The following CFHR5 variants were observed in gnomAD, a reference collection of about 807,000 sequenced individuals.
The protein encoded by CFHR5 is complement factor H related 5, also known as complement factor H-related protein 5.
Under a neutral mutation model 62.9 loss-of-function variants are expected in CFHR5, and 73 were observed. The observed-to-expected ratio is 1.16, with a 90% CI of 0.96 to 1.41. The LOEUF (loss-of-function observed/expected upper bound fraction) is 1.41. Among genes scored for constraint, CFHR5 ranks in the 40% most tolerant of loss-of-function variants. The pLI, the probability that CFHR5 is intolerant of heterozygous loss-of-function variation, is 0.00. For missense variants in CFHR5, 779 were observed against 679.9 expected (o/e 1.15, Z -1.62); for synonymous variants, 249 against 227.2 (o/e 1.10, Z -0.86).
chr1:196,995,755 A>G lies in CFHR5; in HGVS notation c.646A>G (p.Asn216Asp). 1.9e-6 allele frequency: 3 copies of G among 1,613,190 alleles called. No individual in the cohort carries two copies. Among genetic ancestry groups the G allele is most frequent in the Non-Finnish European group, 2.5e-6 (3 of 1,179,224 alleles). Residue 216 changes from asparagine (N) to aspartate (D), a missense_variant, in exon 5 of 10, where the codon AAT becomes GAT. Asn to Asp is a conservative substitution (Grantham distance 23). Coordinates refer to ENST00000256785, the MANE Select transcript of CFHR5 (RefSeq NM_030787.4). ...RSCGPPPQLS[N>D]GEVKEIRKEE... Reference sequence around the variant, plus strand: ...ATGTGGTCCACCTCCTCAACTCTCCAATGGTGAAGTTAAGGAGATAAGAAA... The same window carrying G: ...ATGTGGTCCACCTCCTCAACTCTCCGATGGTGAAGTTAAGGAGATAAGAAA...
chr1:196,999,270 G>A (rs1029553257), intron 7 of CFHR5, among the ~76,000 whole-genome samples: 3 of 151,742 alleles, frequency 2.0e-5, no homozygotes, highest in Non-Finnish European at 2.9e-5. Context: ...ACATTTTTAT[G>A]TTTATAAAAT....
chr1:196,991,453 T>G (rs534013788), intron 3 of CFHR5, among the ~76,000 whole-genome samples: 351 of 152,274 alleles, frequency 2.3e-3, no homozygotes, highest in Middle Eastern at 6.8e-3. Context: ...ACACTCTGGT[T>G]TTTAGAATTT....
chr1:197,001,997 C>A (rs74699563), intron 7 of CFHR5, among the ~76,000 whole-genome samples: 5 of 152,176 alleles, frequency 3.3e-5, no homozygotes, highest in Admixed American at 6.5e-5. Context: ...TGTTCATTAC[C>A]AGCCATTCTC....
Position 196,984,031 on chromosome 1 carries a change from T to C in CFHR5, c.324T>C (p.Asp108=), listed in dbSNP as rs1558282726. 6.2e-7 allele frequency: 1 copy of C among 1,612,892 alleles called. No homozygotes were observed. ...CAGGACTAATACATCTGGAAGGTGA[T>C]ACTGTACAAATTATTTGCAACACAG... ...ESSGLIHLEG[D]TVQIICNTGY... is the part of the protein sequence containing the mutation. The change falls in exon 3 of 10, where the codon GAT becomes GAC. Residue 108 remains aspartate (D), a synonymous_variant. Transcript: ENST00000256785.
At position 196,994,003 on chromosome 1, in the gene CFHR5, T is replaced by C; in HGVS notation, c.431-77T>C. On this transcript the variant is annotated intron_variant, in intron 3 of 9. Transcript: ENST00000256785. Reference sequence around the variant, plus strand: ...TACTCTGTATATGAAGCCCCTTGCATCTTATTTTTATATAGCACACATTAA... The same window carrying C: ...TACTCTGTATATGAAGCCCCTTGCACCTTATTTTTATATAGCACACATTAA... 4.3e-6 allele frequency: 5 copies of C among 1,151,458 alleles called. No homozygotes were observed. In the South Asian group the frequency reaches 6.3e-5, roughly 14 times the overall value. 71.3% of individuals were successfully genotyped at this position (1,151,458 alleles called of 1,614,324 possible). A position where few individuals can be genotyped will look rare whatever the true frequency, so the allele number is the denominator to read the frequency against.
rs561546276 is a variant in CFHR5 at position 196,998,358 on chromosome 1, T to A, written c.1147+54T>A. ...TCTTGTTGCTTCTTTACAAGAAAAA[T>A]TATTTTGAAATTAGAATGTTTTTAA... On this transcript the variant is annotated intron_variant, in intron 7 of 9. Coordinates refer to ENST00000256785, the MANE Select transcript of CFHR5 (RefSeq NM_030787.4). The A allele has an allele frequency of 4.8e-4, 660 of 1,388,582 alleles. 4 individuals carry two copies. In the African/African-American group the frequency reaches 8.5e-3, roughly 18 times the overall value. The allele number at this position is 1,388,582 out of a possible 1,614,324, so 86.0% of individuals were successfully genotyped here.
In CFHR5 at chr1:196,984,136, T is replaced by C. The variant is rs140215003; in HGVS notation, c.429T>C (p.Thr143=). 1.3e-3 allele frequency: 2,027 copies of C among 1,612,482 alleles called. 20 individuals are homozygous for C. In the African/African-American group the frequency reaches 0.022, roughly 17 times the overall value. ...CCACTCCTCCCATATGCAGCTTCAC[T>C]AGTAAGCAAAATACCACTCTCTCAG... is the stretch of plus-strand genomic sequence containing the variant. ...GWSTPPICSF[T]KGECHVPILE... The change falls in exon 3 of 10, where the codon ACT becomes ACC. Residue 143 remains threonine, a splice_region_variant and synonymous_variant. Coordinates refer to ENST00000256785, the MANE Select transcript of CFHR5 (RefSeq NM_030787.4).
In CFHR5 at chr1:197,004,829, C is replaced by T; in HGVS notation, c.1499C>T (p.Pro500Leu). The T allele has an allele frequency of 6.2e-7, 1 of 1,611,984 alleles. No individual in the cohort carries two copies. The highest frequency in any genetic ancestry group is 8.5e-7 in the Non-Finnish European group (1 of 1,178,204). Residue 500 changes from proline (P) to leucine (L), a missense_variant, in exon 9 of 10, where the codon CCA becomes CTA. Pro to Leu is a moderately conservative substitution (Grantham distance 98, BLOSUM62 -3). Transcript: ENST00000256785. ...TGCAGAAATAAACAGTGGTCAGAAC[C>T]ACCAAGATGCCTAGGTGAGTTCTTA... is the stretch of plus-strand genomic sequence containing the variant. The part of the protein sequence containing the change: ...VTCRNKQWSE[P>L]PRCLDPCVVS...
chr1:196,977,008 C>A (rs765959489), upstream of CFHR5, among the ~76,000 whole-genome samples: 14 of 151,584 alleles, frequency 9.2e-5, no homozygotes, highest in Non-Finnish European at 1.5e-4. Context: ...CGGGTTTCAC[C>A]GTGTTAGCCA....
upstream of CFHR5, among the ~76,000 whole-genome samples, chr1:196,976,988 T>C (rs548811620): frequency 2.6e-5 from 4 of 151,540 alleles, no homozygotes; most frequent in South Asian, 8.4e-4. Context: ...TTTGTATTTT[T>C]CAGTAGAGAC....
intron 3 of CFHR5, among the ~76,000 whole-genome samples, chr1:196,991,117 C>G (rs1248154259): frequency 6.6e-6 from 1 of 152,156 alleles, no homozygotes; most frequent in African/African-American, 2.4e-5. Context: ...TTAATTTGAT[C>G]TTCAATCACT....
At chr1:196,995,695 A>T in intron 4 of CFHR5, 22 bp from the exon 5 acceptor site, 1 of 1,597,882 alleles carries the variant, frequency 6.3e-7, no homozygotes, top group Non-Finnish European at 8.6e-7. Context: ...TTTAAGCATT[A>T]TTTATGGTTT....
chr1:196,982,497 C>A (rs1426894764), intron 1 of CFHR5, among the ~76,000 whole-genome samples: 6 of 152,200 alleles, frequency 3.9e-5, no homozygotes, highest in Middle Eastern at 6.8e-3. Context: ...TATGGTGAAA[C>A]CTTGTCTCTA....
chr1:196,989,006 T>G (rs933614357), intron 3 of CFHR5, among the ~76,000 whole-genome samples: 1 of 152,052 alleles, frequency 6.6e-6, no homozygotes, highest in South Asian at 2.1e-4. Flanking sequence ...GTCCTGAACT[T>G]TTTTGGGTGG....
rs1212768825 is a variant in CFHR5 at position 196,982,976 on chromosome 1, T to A, written c.150T>A (p.Val50=). The change falls in exon 2 of 10, where the codon GTT becomes GTA. Residue 50 remains valine (V), a synonymous_variant. Transcript: ENST00000256785. ...NPFSQVPTGE[V]FYYSCEYNFV... is the part of the protein sequence containing the mutation. ...TTTCCCAAGTTCCTACAGGGGAAGT[T>A]TTCTATTACTCCTGTGAATATAATT... The A allele has an allele frequency of 1.9e-6, 3 of 1,613,992 alleles. No individual in the cohort carries two copies. Among genetic ancestry groups the A allele is most frequent in the South Asian group, 1.1e-5 (1 of 91,048 alleles).
In CFHR5 at chr1:196,988,820, C is replaced by G. The variant is rs997710740; in HGVS notation, c.430+4683C>G. ...ATCGATGTTCATCAGGGATATGGGT[C>G]TAAAATTCTCTTTTTTTTGTTGTGT... On this transcript the variant is annotated intron_variant, in intron 3 of 9. Coordinates refer to ENST00000256785, the MANE Select transcript of CFHR5 (RefSeq NM_030787.4). Among the ~76,000 whole-genome samples the G allele has an allele frequency of 3.9e-5, 6 of 151,950 alleles. No homozygotes were observed. The East Asian group carries it at 1.2e-3, about 29-fold the overall frequency.
At chr1:196,996,261 A>G in intron 6 of CFHR5, 60 bp downstream of exon 6, 2 of 1,343,142 alleles carry the variant, frequency 1.5e-6, no homozygotes, top group South Asian at 1.2e-5. Flanking sequence ...GGGATTGTAT[A>G]AAGTGTATAA....
At chr1:197,002,822 CTCTAAGAGTTA>C (rs1442662831) in intron 8 of CFHR5, among the ~76,000 whole-genome samples, 158 bp downstream of exon 8, 1 of 152,184 alleles carries the variant, frequency 6.6e-6, no homozygotes, top group Non-Finnish European at 1.5e-5. Context: ...AAAAAAGTTT[CTCTAAGAGTTA>C]TCTCCAACAG....
At chr1:197,003,422 T>G (rs1461278500) in intron 8 of CFHR5, among the ~76,000 whole-genome samples, 1 of 152,142 alleles carries the variant, frequency 6.6e-6, no homozygotes, top group African/African-American at 2.4e-5. Flanking sequence ...TAGGTTTGTG[T>G]AGGCTCACTC....
Sources: gnomAD v4.1 joint callset for allele counts (sites outside exome capture counted in the v4.1 genomes callset) on GRCh38, gnomAD v4.1.1 for gene constraint, MANE v1.5 for transcripts, NCBI Gene and HGNC (gene_info 2026-07-23, HGNC 2026-07-21) for gene names.